The following EMP2 variants were observed in gnomAD, a reference collection of about 807,000 sequenced individuals.
The protein encoded by EMP2 is epithelial membrane protein 2.
In EMP2, 19 loss-of-function variants were observed where a neutral mutation model predicts 13.7. The observed-to-expected ratio is 1.38, with a 90% CI of 0.97 to 2.03. The LOEUF is 2.03. Among genes scored for constraint, EMP2 ranks in the 30% most tolerant of loss-of-function variants. The probability of loss-of-function intolerance (pLI) is 0.00; values close to 1 mark genes in which losing one functional copy is unlikely to be tolerated. For missense variants in EMP2, 253 were observed against 220.7 expected, an observed-to-expected ratio of 1.15 and a Z score of -0.93; for synonymous variants, 97 against 84.7, an observed-to-expected ratio of 1.15 and a Z score of -0.80.
chr16:10,558,645 T>C (rs2050850045), intron 1 of EMP2, among the ~76,000 whole-genome samples: 1 of 152,122 alleles, frequency 6.6e-6, no homozygotes, highest in Non-Finnish European at 1.5e-5. Flanking sequence ...AATAAAAGTC[T>C]GTGGGATCTG....
rs2050816419 is a variant in EMP2, at chr16:10,554,968, A to C, written c.-60-7291T>G. ...TTGGAGGATTGCATGGTCTGAAAGCATCTTATTCGTTCAGTTGTTTATTGT... is the reference window on the plus strand; with the variant it reads ...TTGGAGGATTGCATGGTCTGAAAGCCTCTTATTCGTTCAGTTGTTTATTGT... On this transcript the variant is annotated intron_variant, in intron 1 of 4. Coordinates refer to ENST00000359543, the MANE Select transcript of EMP2 (RefSeq NM_001424.6). Among the ~76,000 whole-genome samples, 3 of 152,148 alleles carry C rather than the reference A, an allele frequency of 2.0e-5. No homozygotes were observed. In the South Asian group the frequency reaches 6.2e-4, roughly 32 times the overall value.
At chr16:10,544,187 T>C (rs961499845) in intron 2 of EMP2, 3 of 154,736 alleles carry the variant, frequency 1.9e-5, no homozygotes, top group African/African-American at 4.9e-5. Context: ...TTTCCTTTTT[T>C]TGTTTTTTTT....
chr16:10,537,530 C>G (rs936536230), intron 4 of EMP2, among the ~76,000 whole-genome samples: 2 of 152,190 alleles, frequency 1.3e-5, no homozygotes, highest in Non-Finnish European at 2.9e-5. Flanking sequence ...GCACTCCAGC[C>G]CCACTGGGCA....
intron 1 of EMP2, among the ~76,000 whole-genome samples, chr16:10,564,068 G>C (rs1455601336): frequency 6.6e-6 from 1 of 152,274 alleles, no homozygotes. Flanking sequence ...AGTATGCCTG[G>C]AGGTAGTTCA....
At chr16:10,545,512 T>C (rs1348554463) in intron 2 of EMP2, 1 of 152,262 alleles carries the variant, frequency 6.6e-6, no homozygotes, top group Admixed American at 6.5e-5. Context: ...CATTAGATTC[T>C]TATAGGAGTG....
chr16:10,536,681 A>G (rs2142169606), intron 4 of EMP2, among the ~76,000 whole-genome samples: 1 of 152,310 alleles, frequency 6.6e-6, no homozygotes, highest in East Asian at 1.9e-4. Context: ...CAAGTGGTAC[A>G]GCACCCCACA....
At chr16:10,573,414 T>C (rs1316901002) in intron 1 of EMP2, among the ~76,000 whole-genome samples, 2 of 152,180 alleles carry the variant, frequency 1.3e-5, no homozygotes, top group African/African-American at 4.8e-5. Context: ...GCATCTGCAA[T>C]GTGATGTTCC....
Position 10,538,415 on chromosome 16 carries a change from C to T in EMP2, c.170-341G>A, listed in dbSNP as rs116892533. ...TTGAAGGACAAACCTCAGGTTCCAA[C>T]GTGGTAGATTGTGACTCAAGAAATC... is the stretch of plus-strand genomic sequence containing the variant. On this transcript the variant is annotated intron_variant, in intron 3 of 4. Transcript: ENST00000359543. Among the ~76,000 whole-genome samples, 744 of 152,258 alleles carry T rather than the reference C, an allele frequency of 4.9e-3. 5 individuals are homozygous for T. The highest frequency in any genetic ancestry group is 6.4e-3 in the Non-Finnish European group (435 of 68,012).
At chr16:10,576,975 T>C (rs925368097) in intron 1 of EMP2, among the ~76,000 whole-genome samples, 6 of 152,198 alleles carry the variant, frequency 3.9e-5, no homozygotes, top group Non-Finnish European at 8.8e-5. Context: ...TTGCTCACCA[T>C]TGTCCCATCA....
rs141178854 is a variant in EMP2 at position 10,531,487 on chromosome 16, C to A, written c.*1418G>T. The A allele has an allele frequency of 6.6e-6, 1 of 152,030 alleles. No homozygotes were observed. The highest frequency in any genetic ancestry group is 1.5e-5 in the Non-Finnish European group (1 of 68,078). The allele number at this position is 152,030 out of a possible 1,614,324, so 9.4% of individuals were successfully genotyped here. On this transcript the variant is annotated 3_prime_UTR_variant, in exon 5 of 5. Transcript: ENST00000359543. ...CTGGGATTACAGGCATGCACCACCA[C>A]GCCCAGCTCATTTTTGTATTTTTAG... is the stretch of plus-strand genomic sequence containing the variant.
chr16:10,575,481 C>G (rs1316762365), intron 1 of EMP2, among the ~76,000 whole-genome samples: 1 of 151,648 alleles, frequency 6.6e-6, no homozygotes, highest in African/African-American at 2.4e-5. Flanking sequence ...GTCTCGATCT[C>G]CTGACCTCGT....
intron 4 of EMP2, 58 bp from the exon 5 acceptor site, chr16:10,533,150 G>A: frequency 7.4e-7 from 1 of 1,353,206 alleles, no homozygotes; most frequent in Non-Finnish European, 9.7e-7. Flanking sequence ...ACCCTGGGTA[G>A]CCCAGGGGCA....
chr16:10,571,200 T>A (rs995777149), intron 1 of EMP2, among the ~76,000 whole-genome samples: 2 of 129,660 alleles, frequency 1.5e-5, no homozygotes, highest in African/African-American at 3.0e-5. Context: ...GCGGCTGCAG[T>A]GAGCTGAGAT....
chr16:10,557,635 A>G (rs1314202853), intron 1 of EMP2, among the ~76,000 whole-genome samples: 1 of 152,156 alleles, frequency 6.6e-6, no homozygotes, highest in Non-Finnish European at 1.5e-5. Context: ...AGTGAGGTGG[A>G]TCTCACTGTG....
chr16:10,543,656 C>G lies in EMP2; in HGVS notation c.83G>C (p.Trp28Ser), dbSNP rs1275384865. 6.2e-7 allele frequency: 1 copy of G among 1,614,176 alleles called. No homozygotes were observed. The highest frequency in any genetic ancestry group is 8.5e-7 in the Non-Finnish European group (1 of 1,179,986). Reference sequence around the variant, plus strand: ...TGCAAAAAACTCATCTCCTACCCACCAGGCCTGTAACACAAAATGGAAATA... The same window carrying G: ...TGCAAAAAACTCATCTCCTACCCACGAGGCCTGTAACACAAAATGGAAATA... ...LLFIATVDNA[W>S]WVGDEFFADV... Residue 28 changes from tryptophan to serine, a missense_variant, in exon 3 of 5, where the codon TGG becomes TCG. By Grantham distance (177) the Trp-to-Ser change is radical (BLOSUM62 -3). Coordinates refer to ENST00000359543, the MANE Select transcript of EMP2 (RefSeq NM_001424.6).
At chr16:10,542,738 G>A (rs1445089280) in intron 3 of EMP2, among the ~76,000 whole-genome samples, 1 of 152,160 alleles carries the variant, frequency 6.6e-6, no homozygotes, top group Non-Finnish European at 1.5e-5. Flanking sequence ...TGAAGAGGTG[G>A]GCACAGCAAA....
At chr16:10,537,866 G>T (rs1567200791) in intron 4 of EMP2, 62 bp downstream of exon 4, 1 of 1,587,636 alleles carries the variant, frequency 6.3e-7, no homozygotes. Flanking sequence ...CCTCCTGGCG[G>T]CTGGGAAGGG....
chr16:10,530,891 T>G lies in EMP2; in HGVS notation c.*2014A>C, dbSNP rs1004463518. ...CTGAATGGAGCTATATTTAGACTGA[T>G]CTAAATACCTAAATGCCTCCAGGAG... is the stretch of plus-strand genomic sequence containing the variant. On this transcript the variant is annotated 3_prime_UTR_variant, in exon 5 of 5. Transcript: ENST00000359543. The G allele has an allele frequency of 6.6e-6, 1 of 152,146 alleles. No individual in the cohort carries two copies. Among genetic ancestry groups the G allele is most frequent in the African/African-American group, 2.4e-5 (1 of 41,444 alleles). The allele number at this position is 152,146 out of a possible 1,614,324, so 9.4% of individuals were successfully genotyped here. A position where few individuals can be genotyped will look rare whatever the true frequency, so the allele number is the denominator to read the frequency against.
intron 1 of EMP2, among the ~76,000 whole-genome samples, chr16:10,577,078 C>T (rs1490118814): frequency 6.6e-6 from 1 of 152,192 alleles, no homozygotes; most frequent in Non-Finnish European, 1.5e-5. Flanking sequence ...TCCCACTGAA[C>T]TCCCCTCAGC....
Sources: gnomAD v4.1 joint callset for allele counts (sites outside exome capture counted in the v4.1 genomes callset) on GRCh38, gnomAD v4.1.1 for gene constraint, MANE v1.5 for transcripts, NCBI Gene and HGNC (gene_info 2026-07-23, HGNC 2026-07-21) for gene names.